BLTP3B: variants seen among roughly 807,000 people sequenced by gnomAD.
BLTP3B encodes the protein bridge-like lipid transfer protein family member 3B.
the BLTP3B span, among the ~76,000 whole-genome samples, chr12:100,081,394 T>C: frequency 3.9e-5 from 6 of 152,204 alleles, no homozygotes; most frequent in African/African-American, 1.4e-4. Flanking sequence ...GTAGTTGGTG[T>C]CTGAAGTCTT....
chr12:100,070,034 A>G, the BLTP3B span: 1 of 1,365,806 alleles, frequency 7.3e-7, no homozygotes, highest in South Asian at 1.9e-5. Flanking sequence ...AGTGTAATAC[A>G]GTGGAGAAAA....
chr12:100,101,896 C>T, the BLTP3B span, among the ~76,000 whole-genome samples: 2 of 152,276 alleles, frequency 1.3e-5, no homozygotes, highest in South Asian at 2.1e-4. Flanking sequence ...CTTGACCTCC[C>T]GGGTTCAAGC....
the BLTP3B span, among the ~76,000 whole-genome samples, chr12:100,078,888 G>A: frequency 6.6e-6 from 1 of 152,138 alleles, no homozygotes; most frequent in Non-Finnish European, 1.5e-5. Context: ...ATGGGGGCAA[G>A]TCTTTCCTGC....
chr12:100,113,823 T>C, the BLTP3B span, among the ~76,000 whole-genome samples: 1 of 151,900 alleles, frequency 6.6e-6, no homozygotes, highest in Non-Finnish European at 1.5e-5. Context: ...ACAATTCCCA[T>C]TATACAATAT....
the BLTP3B span, chr12:100,037,752 T>A: frequency 6.3e-7 from 1 of 1,592,732 alleles, no homozygotes; most frequent in Non-Finnish European, 8.5e-7. Flanking sequence ...TTCTCTTCCA[T>A]GAGCTGAAAT....
the BLTP3B span, among the ~76,000 whole-genome samples, chr12:100,041,484 T>C: frequency 7.0e-6 from 1 of 143,198 alleles, no homozygotes; most frequent in Non-Finnish European, 1.5e-5. Flanking sequence ...GTCGCCAGGC[T>C]GGAGTGCGGT....
At chr12:100,078,529 C>A in the BLTP3B span, among the ~76,000 whole-genome samples, 1 of 152,196 alleles carries the variant, frequency 6.6e-6, no homozygotes, top group Non-Finnish European at 1.5e-5. Flanking sequence ...GCTGGCCACA[C>A]TTGATAGCCT....
At chr12:100,131,025 GAGAGAGAGAA>G in the BLTP3B span, among the ~76,000 whole-genome samples, 107 of 123,722 alleles carry the variant, frequency 8.6e-4, no homozygotes, top group African/African-American at 3.4e-3. Flanking sequence ...GAGAGAGAGA[GAGAGAGAGAA>G]AGAGTTTTTT....
chr12:100,041,779 TG>T, the BLTP3B span, among the ~76,000 whole-genome samples: 2 of 152,066 alleles, frequency 1.3e-5, no homozygotes, highest in East Asian at 3.9e-4. Flanking sequence ...GGTTCTAACC[TG>T]GGCAACTGGG....
chr12:100,040,446 C>A, the BLTP3B span, among the ~76,000 whole-genome samples: 1 of 152,202 alleles, frequency 6.6e-6, no homozygotes, highest in Non-Finnish European at 1.5e-5. Context: ...CTTTGGGAGG[C>A]CAAGACGGGT....
the BLTP3B span, among the ~76,000 whole-genome samples, chr12:100,067,438 C>A: frequency 4.6e-5 from 7 of 151,940 alleles, no homozygotes; most frequent in African/African-American, 1.7e-4. Context: ...AATTGATAGA[C>A]CACTGGCAAG....
At chr12:100,051,210 T>C in the BLTP3B span, 8 of 1,610,058 alleles carry the variant, frequency 5.0e-6, no homozygotes, top group Admixed American at 1.4e-4. Flanking sequence ...GTAGTTGAGT[T>C]CTTTTTATTT....
At chr12:100,099,498 T>C in the BLTP3B span, among the ~76,000 whole-genome samples, 1 of 149,830 alleles carries the variant, frequency 6.7e-6, no homozygotes, top group East Asian at 2.0e-4. Context: ...TGGTAGCTCA[T>C]GCCTGTAATC....
chr12:100,102,170 C>T, the BLTP3B span, among the ~76,000 whole-genome samples: 1 of 148,106 alleles, frequency 6.8e-6, no homozygotes, highest in Non-Finnish European at 1.5e-5. Flanking sequence ...AGTGCAATGG[C>T]GCGATCTTGG....
chr12:100,139,348 T>TCCA, the BLTP3B span, among the ~76,000 whole-genome samples: 1 of 152,226 alleles, frequency 6.6e-6, no homozygotes, highest in African/African-American at 2.4e-5. Flanking sequence ...CAGGCAAAGA[T>TCCA]GGTTTTAATC....
the BLTP3B span, among the ~76,000 whole-genome samples, chr12:100,111,225 T>TAAAAAATGCA: frequency 2.0e-5 from 3 of 151,038 alleles, no homozygotes; most frequent in African/African-American, 7.3e-5. Flanking sequence ...TTCAAGTATG[T>TAAAAAATGCA]AAAAAATGCA....
At chr12:100,050,401 C>A in the BLTP3B span, 1 of 1,267,866 alleles carries the variant, frequency 7.9e-7, no homozygotes, top group Non-Finnish European at 1.0e-6. Flanking sequence ...ACTACCATTA[C>A]CCTCTAAAAA....
At chr12:100,141,930 A>G in the BLTP3B span, among the ~76,000 whole-genome samples, 1 of 152,304 alleles carries the variant, frequency 6.6e-6, no homozygotes, top group Non-Finnish European at 1.5e-5. Flanking sequence ...AAAACCAAAA[A>G]AAAAAAATGT....
chr12:100,069,247 T>C, the BLTP3B span, among the ~76,000 whole-genome samples: 1 of 152,166 alleles, frequency 6.6e-6, no homozygotes, highest in South Asian at 2.1e-4. Context: ...AGAACTACCA[T>C]TTGATCCAGC....
Sources: allele counts gnomAD v4.1 joint callset (sites outside exome capture counted in the v4.1 genomes callset), GRCh38; gene constraint gnomAD v4.1.1; transcripts MANE v1.5; gene names NCBI Gene and HGNC (gene_info 2026-07-23, HGNC 2026-07-21).